LYPLAL1: variants seen among roughly 807,000 people sequenced by gnomAD.
LYPLAL1 encodes the protein lysophospholipase-like protein 1.
LYPLAL1 carries 23 observed loss-of-function variants against 19.7 expected under a neutral mutation model. The ratio of observed to expected loss-of-function variants is 1.17; its 90% CI spans 0.84 to 1.65. LYPLAL1 has a LOEUF of 1.65. LYPLAL1 is among the 40% of genes most tolerant of loss of function. LYPLAL1 has a pLI of 0.00. For missense variants in LYPLAL1, 355 were observed against 279.4 expected, an observed-to-expected ratio of 1.27 and a Z score of -1.93; for synonymous variants, 119 against 96.3, an observed-to-expected ratio of 1.24 and a Z score of -1.38.
intron 2 of LYPLAL1, among the ~76,000 whole-genome samples, chr1:219,181,721 C>T (rs1298731088): frequency 6.6e-6 from 1 of 152,012 alleles, no homozygotes; most frequent in African/African-American, 2.4e-5. Flanking sequence ...TGAGGCAATT[C>T]AGTGGAGGTC....
At chr1:219,416,509 A>G in the LYPLAL1 span, among the ~76,000 whole-genome samples, 3 of 151,908 alleles carry the variant, frequency 2.0e-5, no homozygotes, top group African/African-American at 7.2e-5. Context: ...CTCCTTGTAG[A>G]GTAGGGCCAA....
the LYPLAL1 span, among the ~76,000 whole-genome samples, chr1:219,383,648 C>T: frequency 6.6e-6 from 1 of 152,140 alleles, no homozygotes; most frequent in Non-Finnish European, 1.5e-5. Flanking sequence ...TACAAGAACC[C>T]ATGCATAATA....
chr1:219,272,926 A>G, the LYPLAL1 span: 1 of 152,194 alleles, frequency 6.6e-6, no homozygotes, highest in Non-Finnish European at 1.5e-5. Flanking sequence ...GAAGCAGAAA[A>G]GTGTGAACCA....
At chr1:219,418,603 G>A in the LYPLAL1 span, among the ~76,000 whole-genome samples, 2 of 152,176 alleles carry the variant, frequency 1.3e-5, no homozygotes, top group Non-Finnish European at 2.9e-5. Context: ...CTCCACCAGA[G>A]TAGTACATTT....
chr1:219,328,119 A>G, the LYPLAL1 span, among the ~76,000 whole-genome samples: 5 of 152,310 alleles, frequency 3.3e-5, no homozygotes, highest in African/African-American at 9.6e-5. Context: ...ACCCAGACCA[A>G]CTTGAACTTT....
chr1:219,399,899 G>A, the LYPLAL1 span, among the ~76,000 whole-genome samples: 1 of 152,152 alleles, frequency 6.6e-6, no homozygotes, highest in African/African-American at 2.4e-5. Context: ...CTCTGCTACA[G>A]ATGCTCCCAC....
chr1:219,417,388 GT>G, the LYPLAL1 span, among the ~76,000 whole-genome samples: 4 of 152,124 alleles, frequency 2.6e-5, no homozygotes, highest in African/African-American at 9.7e-5. Context: ...GCTGCAAATA[GT>G]TTTTTAAAAT....
At chr1:219,266,046 T>C in the LYPLAL1 span, among the ~76,000 whole-genome samples, 4 of 152,124 alleles carry the variant, frequency 2.6e-5, no homozygotes, top group African/African-American at 9.7e-5. Context: ...TCATCAACAC[T>C]CTACATTTAG....
the LYPLAL1 span, among the ~76,000 whole-genome samples, chr1:219,253,222 T>G: frequency 2.0e-5 from 3 of 152,076 alleles, no homozygotes; most frequent in Admixed American, 6.6e-5. Context: ...ATTAATTTTT[T>G]TCAAGAAAAC....
the LYPLAL1 span, among the ~76,000 whole-genome samples, chr1:219,286,955 G>T: frequency 9.5e-4 from 145 of 152,310 alleles, no homozygotes; most frequent in African/African-American, 3.4e-3. Context: ...GCTAGGGAAT[G>T]GTATGGAAGG....
At chr1:219,437,979 CT>C in the LYPLAL1 span, among the ~76,000 whole-genome samples, 1 of 151,948 alleles carries the variant, frequency 6.6e-6, no homozygotes, top group Non-Finnish European at 1.5e-5. Context: ...GTTGGCTAGG[CT>C]GGTCTCGAAC....
the LYPLAL1 span, among the ~76,000 whole-genome samples, chr1:219,299,020 G>C: frequency 2.0e-5 from 3 of 152,066 alleles, no homozygotes; most frequent in East Asian, 5.8e-4. Flanking sequence ...CTTAATTTTA[G>C]AGCATTAACA....
the LYPLAL1 span, among the ~76,000 whole-genome samples, chr1:219,333,320 A>G: frequency 6.6e-6 from 1 of 152,068 alleles, no homozygotes; most frequent in African/African-American, 2.4e-5. Context: ...CCATAGCAAT[A>G]TTCCCACATT....
the LYPLAL1 span, among the ~76,000 whole-genome samples, chr1:219,241,126 C>CTATATATATA: frequency 3.4e-5 from 3 of 89,370 alleles, no homozygotes; most frequent in East Asian, 3.4e-4. Context: ...CTCTCTCTCT[C>CTATATATATA]TCTCTCTCTA....
the LYPLAL1 span, among the ~76,000 whole-genome samples, chr1:219,339,438 C>G: frequency 6.6e-6 from 1 of 152,006 alleles, no homozygotes; most frequent in Non-Finnish European, 1.5e-5. Flanking sequence ...TGTTGCTGTT[C>G]TCTCCATTAT....
the LYPLAL1 span, among the ~76,000 whole-genome samples, chr1:219,259,159 C>G: frequency 6.6e-6 from 1 of 151,726 alleles, no homozygotes; most frequent in Non-Finnish European, 1.5e-5. Context: ...TTTTACACTG[C>G]TGGTGGAAAT....
the LYPLAL1 span, among the ~76,000 whole-genome samples, chr1:219,314,207 T>A: frequency 6.6e-6 from 1 of 152,234 alleles, no homozygotes; most frequent in African/African-American, 2.4e-5. Flanking sequence ...TGTACCACAT[T>A]TTTAAATCAA....
At chr1:219,186,638 G>C (rs1361430751) in intron 2 of LYPLAL1, among the ~76,000 whole-genome samples, 1 of 151,558 alleles carries the variant, frequency 6.6e-6, no homozygotes, top group African/African-American at 2.4e-5. Flanking sequence ...GCTTCCCTAT[G>C]CTTATTGTTT....
chr1:219,281,889 C>T, the LYPLAL1 span, among the ~76,000 whole-genome samples: 1 of 152,078 alleles, frequency 6.6e-6, no homozygotes, highest in Non-Finnish European at 1.5e-5. Context: ...CCCCACAGAC[C>T]CTGCAGTGAT....
Sources: gnomAD v4.1 joint callset for allele counts (sites outside exome capture counted in the v4.1 genomes callset) on GRCh38, gnomAD v4.1.1 for gene constraint, MANE v1.5 for transcripts, NCBI Gene and HGNC (gene_info 2026-07-23, HGNC 2026-07-21) for gene names.